Variants in VWC2L observed in about 807,000 individuals in gnomAD.
VWC2L encodes the protein von Willebrand factor C domain-containing protein 2-like.
VWC2L carries 10 observed loss-of-function variants against 21.6 expected under a neutral mutation model. The ratio of observed to expected loss-of-function variants is 0.46; its 90% CI spans 0.29 to 0.78. The LOEUF is 0.78. VWC2L is among the 30% of genes least tolerant of loss of function. The probability of loss-of-function intolerance (pLI) is 0.10; values close to 1 mark genes in which losing one functional copy is unlikely to be tolerated. For synonymous variants in VWC2L, 96 were observed against 94.3 expected, an observed-to-expected ratio of 1.02 and a Z score of -0.10; for missense variants, 209 against 277.1, an observed-to-expected ratio of 0.75 and a Z score of 1.74.
intron 3 of VWC2L, among the ~76,000 whole-genome samples, chr2:214,459,801 T>C (rs958152056): frequency 5.3e-5 from 8 of 152,130 alleles, no homozygotes; most frequent in African/African-American, 1.7e-4. Flanking sequence ...TCTTATGACC[T>C]GTACAGTCTC....
intron 3 of VWC2L, chr2:214,473,663 T>C (rs1182191789): frequency 6.6e-6 from 1 of 151,736 alleles, no homozygotes; most frequent in Non-Finnish European, 1.5e-5. Flanking sequence ...GGGGAAGGCA[T>C]ATAGCTAATT....
chr2:214,561,195 AT>A (rs544004002), intron 3 of VWC2L, among the ~76,000 whole-genome samples: 151 of 152,280 alleles, frequency 9.9e-4, no homozygotes, highest in African/African-American at 3.5e-3. Flanking sequence ...GGGCTGAAGA[AT>A]TTGCCCTTCA....
intron 3 of VWC2L, among the ~76,000 whole-genome samples, chr2:214,503,979 T>C (rs570799675): frequency 3.5e-3 from 187 of 53,874 alleles, no homozygotes; most frequent in African/African-American, 6.1e-3. Context: ...TTGTTGACTA[T>C]AAGAAGACCA....
intron 3 of VWC2L, among the ~76,000 whole-genome samples, chr2:214,447,240 G>A (rs961467016): frequency 3.3e-5 from 5 of 152,032 alleles, no homozygotes; most frequent in African/African-American, 7.2e-5. Context: ...CACTGGCTAC[G>A]GGAGAGCCTC....
intron 3 of VWC2L, among the ~76,000 whole-genome samples, chr2:214,496,692 G>T (rs1418497488): frequency 6.6e-6 from 1 of 152,132 alleles, no homozygotes; most frequent in African/African-American, 2.4e-5. Flanking sequence ...TAAAATTGTT[G>T]TTGACAATTA....
intron 3 of VWC2L, among the ~76,000 whole-genome samples, chr2:214,522,271 A>G (rs1689253748): frequency 6.9e-6 from 1 of 145,236 alleles, no homozygotes; most frequent in Non-Finnish European, 1.5e-5. Flanking sequence ...GCTACTCCGG[A>G]GGGTGACGCA....
chr2:214,521,264 TAAATAAATAAATAAAA>T (rs1385583090), intron 3 of VWC2L, among the ~76,000 whole-genome samples: 7 of 150,442 alleles, frequency 4.7e-5, no homozygotes, highest in South Asian at 2.1e-4. Flanking sequence ...AATAAATAAA[TAAATAAATAAATAAAA>T]CTACCAAGTT....
intron 3 of VWC2L, among the ~76,000 whole-genome samples, chr2:214,544,592 C>T (rs1689676781): frequency 6.6e-6 from 1 of 152,046 alleles, no homozygotes; most frequent in Non-Finnish European, 1.5e-5. Context: ...AGTCTCCAGC[C>T]AAAACTTGGT....
rs191510360 is a variant in VWC2L at position 214,429,980 on chromosome 2, C to T, written c.391-6649C>T. Among the ~76,000 whole-genome samples the T allele has an allele frequency of 3.2e-3, 484 of 152,118 alleles. 2 individuals carry two copies. The highest frequency in any genetic ancestry group is 3.8e-3 in the Non-Finnish European group (255 of 67,982). ...CTGGGACTACAGGCACCTGCCACCA[C>T]GCCTGGCTAATTTTTGTATTTTTAG... On this transcript the variant is annotated intron_variant, in intron 2 of 3. Transcript: ENST00000312504.
chr2:214,479,847 A>G (rs1184255467), intron 3 of VWC2L, among the ~76,000 whole-genome samples: 1 of 152,134 alleles, frequency 6.6e-6, no homozygotes, highest in Non-Finnish European at 1.5e-5. Flanking sequence ...ATCTAATAAG[A>G]TTGTATTAGT....
intron 3 of VWC2L, among the ~76,000 whole-genome samples, chr2:214,555,188 T>C (rs1689855908): frequency 6.6e-6 from 1 of 152,238 alleles, no homozygotes; most frequent in Non-Finnish European, 1.5e-5. Flanking sequence ...CAGAAAATCT[T>C]TGAATCCACC....
At chr2:214,462,986 A>AT (rs1559298175) in intron 3 of VWC2L, among the ~76,000 whole-genome samples, 1 of 152,170 alleles carries the variant, frequency 6.6e-6, no homozygotes, top group East Asian at 1.9e-4. Context: ...ACGAAAGAAC[A>AT]TTTTTTATAA....
Position 214,562,431 on chromosome 2 carries a change from G to A in VWC2L, c.521-13241G>A, listed in dbSNP as rs145418952. ...AGGTTGATTCCCTATCTTTGCTATC[G>A]TGAATAGTGCTGCAATGAACATACG... On this transcript the variant is annotated intron_variant, in intron 3 of 3. Coordinates refer to ENST00000312504, the MANE Select transcript of VWC2L (RefSeq NM_001080500.4). Among the ~76,000 whole-genome samples, 1,326 of 152,176 alleles carry A rather than the reference G, an allele frequency of 8.7e-3. 12 individuals are homozygous for A. The highest frequency in any genetic ancestry group is 0.015 in the Non-Finnish European group (1,015 of 68,020).
chr2:214,565,470 T>C (rs1001844920), intron 3 of VWC2L, among the ~76,000 whole-genome samples: 5 of 152,184 alleles, frequency 3.3e-5, no homozygotes, highest in Admixed American at 1.3e-4. Flanking sequence ...ATACCTCCCC[T>C]GACCCTACCT....
At chr2:214,441,405 TA>T (rs144482684) in intron 3 of VWC2L, among the ~76,000 whole-genome samples, 1 of 151,926 alleles carries the variant, frequency 6.6e-6, no homozygotes, top group Non-Finnish European at 1.5e-5. Context: ...AATAAATATA[TA>T]AAAAATATAT....
In VWC2L at chr2:214,436,616, G is replaced by T. The variant is rs773023630; in HGVS notation, c.391-13G>T. On this transcript the variant is annotated splice_polypyrimidine_tract_variant and intron_variant, in intron 2 of 3. Coordinates refer to ENST00000312504, the MANE Select transcript of VWC2L (RefSeq NM_001080500.4). ...TATAGGAGAAAAGGGGCTAATTTTA[G>T]ATTTGTTCCTAGCCCTCTCCATGTG... 6 of 1,612,220 alleles carry T rather than the reference G, an allele frequency of 3.7e-6. No homozygotes were observed. The South Asian group carries it at 5.5e-5, about 15-fold the overall frequency.
intron 3 of VWC2L, among the ~76,000 whole-genome samples, chr2:214,459,317 G>A (rs1703103264): frequency 6.6e-6 from 1 of 151,924 alleles, no homozygotes; most frequent in Non-Finnish European, 1.5e-5. Context: ...GGGGGAAGTG[G>A]GTTTCTTTTA....
chr2:214,557,249 C>T (rs562185423), intron 3 of VWC2L, among the ~76,000 whole-genome samples: 2 of 152,258 alleles, frequency 1.3e-5, no homozygotes, highest in African/African-American at 4.8e-5. Flanking sequence ...CAACTCTTCA[C>T]AGGGTGGCAG....
chr2:214,494,686 T>G (rs573607913), intron 3 of VWC2L, among the ~76,000 whole-genome samples: 1 of 152,332 alleles, frequency 6.6e-6, no homozygotes, highest in Admixed American at 6.5e-5. Flanking sequence ...TTTATCAGAA[T>G]TAAGCAGGTG....
Sources: allele counts gnomAD v4.1 joint callset (sites outside exome capture counted in the v4.1 genomes callset), GRCh38; gene constraint gnomAD v4.1.1; transcripts MANE v1.5; gene names NCBI Gene and HGNC (gene_info 2026-07-23, HGNC 2026-07-21).